The following ADCY2 variants were observed in gnomAD, a reference collection of about 807,000 sequenced individuals.
ADCY2 encodes adenylate cyclase 2.
In ADCY2, 31 loss-of-function variants were observed where a neutral mutation model predicts 125.2. That is an observed-to-expected ratio of 0.25 (90% CI 0.19 to 0.33). ADCY2 has a LOEUF of 0.33. Ranked by LOEUF, ADCY2 falls within the 10% of genes least tolerant of loss-of-function variation. ADCY2 has a pLI of 1.00. For missense variants in ADCY2, 904 were observed against 1,418.2 expected, an observed-to-expected ratio of 0.64 and a Z score of 5.82; for synonymous variants, 512 against 548.4, an observed-to-expected ratio of 0.93 and a Z score of 0.93.
intron 2 of ADCY2, among the ~76,000 whole-genome samples, chr5:7,512,939 G>A (rs1259469775): frequency 6.6e-6 from 1 of 152,124 alleles, no homozygotes; most frequent in Non-Finnish European, 1.5e-5. Flanking sequence ...ATGTCAGACT[G>A]GAGACACAGT....
chr5:7,428,136 G>A (rs1319755007), intron 2 of ADCY2, among the ~76,000 whole-genome samples: 5 of 152,278 alleles, frequency 3.3e-5, no homozygotes, highest in African/African-American at 1.2e-4. Flanking sequence ...AGCTTTTCAG[G>A]TTTTAGGTTT....
intron 2 of ADCY2, among the ~76,000 whole-genome samples, chr5:7,424,341 C>G (rs1561018128): frequency 6.6e-6 from 1 of 152,248 alleles, no homozygotes; most frequent in African/African-American, 2.4e-5. Flanking sequence ...TTATCACTTG[C>G]ATCTTGCTGA....
At chr5:7,507,367 G>C (rs1000340527) in intron 2 of ADCY2, among the ~76,000 whole-genome samples, 1 of 133,990 alleles carries the variant, frequency 7.5e-6, no homozygotes, top group Non-Finnish European at 1.6e-5. Context: ...CGTGAACCCG[G>C]GAGGCGGAGC....
Position 7,399,530 on chromosome 5 carries a change from G to A in ADCY2, c.210+3024G>A, listed in dbSNP as rs188374753. 1.3e-4 allele frequency among the ~76,000 whole-genome samples: 20 copies of A among 152,256 alleles called. No individual in the cohort carries two copies. The East Asian group carries it at 3.5e-3, about 26-fold the overall frequency. On this transcript the variant is annotated intron_variant, in intron 1 of 24. Coordinates refer to ENST00000338316, the MANE Select transcript of ADCY2 (RefSeq NM_020546.3). ...AGTAATCCTCAAAGTTTTATATGCT[G>A]TAAAAGTAAATTCTGAATTGAAACT...
chr5:7,819,694 C>A (rs1159058444), intron 23 of ADCY2, among the ~76,000 whole-genome samples: 2 of 152,216 alleles, frequency 1.3e-5, no homozygotes, highest in African/African-American at 2.4e-5. Flanking sequence ...CCCTGCTTGA[C>A]CTCCATGCAC....
intron 15 of ADCY2, among the ~76,000 whole-genome samples, chr5:7,753,082 A>G (rs1473646544): frequency 6.6e-6 from 1 of 151,984 alleles, no homozygotes; most frequent in Admixed American, 6.6e-5. Context: ...TCTTTTTAGT[A>G]GAGACAGGGT....
chr5:7,413,436 G>A (rs1739804524), intron 1 of ADCY2, among the ~76,000 whole-genome samples: 1 of 151,910 alleles, frequency 6.6e-6, no homozygotes, highest in African/African-American at 2.4e-5. Context: ...TGGGACCACA[G>A]GCGCCTGCCA....
At chr5:7,476,754 A>C (rs767850726) in intron 2 of ADCY2, among the ~76,000 whole-genome samples, 40 of 152,232 alleles carry the variant, frequency 2.6e-4, no homozygotes, top group Non-Finnish European at 5.1e-4. Flanking sequence ...AAATCTCTTC[A>C]TTTCCACATT....
At chr5:7,690,485 A>G (rs1199131867) in intron 4 of ADCY2, 2 of 375,914 alleles carry the variant, frequency 5.3e-6, no homozygotes, top group African/African-American at 4.2e-5. Flanking sequence ...TTAGAATGCA[A>G]TAAATAATAA....
At chr5:7,454,242 G>A (rs771887455) in intron 2 of ADCY2, among the ~76,000 whole-genome samples, 2 of 152,160 alleles carry the variant, frequency 1.3e-5, no homozygotes, top group Non-Finnish European at 2.9e-5. Flanking sequence ...TCAGTTAACA[G>A]CATTTTTAGC....
At chr5:7,521,452 C>T (rs1744442871) in intron 3 of ADCY2, among the ~76,000 whole-genome samples, 1 of 152,130 alleles carries the variant, frequency 6.6e-6, no homozygotes, top group Admixed American at 6.5e-5. Context: ...TAATTAGTTA[C>T]AAGCATTTTA....
intron 2 of ADCY2, among the ~76,000 whole-genome samples, chr5:7,418,806 C>T (rs1561014833): frequency 6.6e-6 from 1 of 151,816 alleles, no homozygotes; most frequent in Non-Finnish European, 1.5e-5. Context: ...TAGGCACGTG[C>T]CACCACACCT....
Position 7,636,534 on chromosome 5 carries a change from T to C in ADCY2, c.720+10218T>C, listed in dbSNP as rs191112697. Among the ~76,000 whole-genome samples, 151 of 152,252 alleles carry C rather than the reference T, an allele frequency of 9.9e-4. 2 individuals are homozygous for C. Among genetic ancestry groups the C allele is most frequent in the African/African-American group, 3.5e-3 (146 of 41,560 alleles). On this transcript the variant is annotated intron_variant, in intron 4 of 24. Transcript: ENST00000338316. ...GCAGTATACAAGGCAGATGTCTTGA[T>C]TGACCACCTTGAGAAACTGCAAGGA...
At chr5:7,779,754 A>G (rs995022083) in intron 18 of ADCY2, among the ~76,000 whole-genome samples, 2 of 152,200 alleles carry the variant, frequency 1.3e-5, no homozygotes, top group Non-Finnish European at 2.9e-5. Flanking sequence ...TGTCCCTGGA[A>G]GATGTTGGGC....
chr5:7,529,919 G>A (rs1734588226), intron 3 of ADCY2, among the ~76,000 whole-genome samples: 1 of 152,096 alleles, frequency 6.6e-6, no homozygotes, highest in Non-Finnish European at 1.5e-5. Context: ...GACTTGCATA[G>A]CAGGTTAGCT....
At chr5:7,704,075 G>A (rs1395708828) in intron 7 of ADCY2, among the ~76,000 whole-genome samples, 3 of 151,574 alleles carry the variant, frequency 2.0e-5, no homozygotes, top group Admixed American at 1.3e-4. Flanking sequence ...ATCTCAGCAC[G>A]TTCCAGGAAT....
At chr5:7,783,149 T>C (rs1005252058) in intron 18 of ADCY2, among the ~76,000 whole-genome samples, 4 of 152,096 alleles carry the variant, frequency 2.6e-5, no homozygotes, top group Non-Finnish European at 5.9e-5. Context: ...TGCACTTGAG[T>C]CTTTCTTTCT....
intron 22 of ADCY2, among the ~76,000 whole-genome samples, chr5:7,807,957 T>A (rs2126528114): frequency 6.6e-6 from 1 of 152,264 alleles, no homozygotes; most frequent in Non-Finnish European, 1.5e-5. Flanking sequence ...GTTGTTACAG[T>A]GGTTTCCAGG....
At chr5:7,446,407 T>A (rs1196098373) in intron 2 of ADCY2, among the ~76,000 whole-genome samples, 1 of 152,224 alleles carries the variant, frequency 6.6e-6, no homozygotes, top group African/African-American at 2.4e-5. Flanking sequence ...ATTTTATTGC[T>A]TTTGCCTGGT....
Sources: gnomAD v4.1 joint callset for allele counts (sites outside exome capture counted in the v4.1 genomes callset) on GRCh38, gnomAD v4.1.1 for gene constraint, MANE v1.5 for transcripts, NCBI Gene and HGNC (gene_info 2026-07-23, HGNC 2026-07-21) for gene names.